The following FBLN2 variants were observed in gnomAD, a reference collection of about 807,000 sequenced individuals.
FBLN2 encodes the protein fibulin 2.
Under a neutral mutation model 123.7 loss-of-function variants are expected in FBLN2, and 81 were observed. The ratio of observed to expected loss-of-function variants is 0.65; its 90% CI spans 0.55 to 0.79. The LOEUF is 0.79. Ranked by LOEUF, FBLN2 falls within the 30% of genes least tolerant of loss-of-function variation. The pLI, the probability that FBLN2 is intolerant of heterozygous loss-of-function variation, is 0.00. For missense variants in FBLN2, 1,603 were observed against 1,681.3 expected, an observed-to-expected ratio of 0.95 and a Z score of 0.81; for synonymous variants, 699 against 701.4, an observed-to-expected ratio of 1.00 and a Z score of 0.05.
rs1344852725 is a variant in FBLN2, at chr3:13,626,589, G to T, written c.2431+10G>T. 2.6e-6 allele frequency: 4 copies of T among 1,533,260 alleles called. No homozygotes were observed. The Admixed American group carries it at 5.9e-5, about 23-fold the overall frequency. The allele number at this position is 1,533,260 out of a possible 1,614,324, so 95.0% of individuals were successfully genotyped here. Reference sequence around the variant, plus strand: ...GATGGCGAGTGCGAAGGTGAGAAGGGCCCAGAAGGACCAACTGGAGGCCCC... The same window carrying T: ...GATGGCGAGTGCGAAGGTGAGAAGGTCCCAGAAGGACCAACTGGAGGCCCC... On this transcript the variant is annotated intron_variant, in intron 10 of 17. Coordinates refer to ENST00000404922, the MANE Select transcript of FBLN2 (RefSeq NM_001004019.2).
chr3:13,596,670 T>A (rs1250705262), intron 2 of FBLN2, among the ~76,000 whole-genome samples: 2 of 152,042 alleles, frequency 1.3e-5, no homozygotes, highest in Admixed American at 1.3e-4. Flanking sequence ...AAATTTTTCA[T>A]CTTCTCAAAC....
intron 4 of FBLN2, among the ~76,000 whole-genome samples, chr3:13,610,083 C>T (rs1400140352): frequency 2.0e-5 from 3 of 152,224 alleles, no homozygotes; most frequent in African/African-American, 4.8e-5. Flanking sequence ...CTGACAGTGG[C>T]CAGGGACAGC....
intron 9 of FBLN2, among the ~76,000 whole-genome samples, chr3:13,625,915 C>T (rs1011218126): frequency 5.3e-5 from 8 of 151,892 alleles, no homozygotes; most frequent in African/African-American, 4.8e-5. Flanking sequence ...TGAACCTGCA[C>T]AGCTGGCTTC....
At chr3:13,592,996 C>G (rs374058497) in intron 2 of FBLN2, among the ~76,000 whole-genome samples, 72 of 152,164 alleles carry the variant, frequency 4.7e-4, no homozygotes, top group African/African-American at 1.7e-3. Context: ...TCAGCCCAGC[C>G]CGGACTACAG....
intron 5 of FBLN2, among the ~76,000 whole-genome samples, chr3:13,617,440 A>G (rs1167541415): frequency 1.3e-5 from 2 of 150,892 alleles, no homozygotes; most frequent in African/African-American, 4.9e-5. Flanking sequence ...CCATCCATCT[A>G]TCCATCCACC....
rs1307265590 is a variant in FBLN2 at position 13,636,538 on chromosome 3, G to T, written c.3308G>T (p.Cys1103Phe). ...QGSFRCLRFE[C>F]PPNYVQVSKT... ...AGCTTCCGCTGCCTGCGCTTCGAGT[G>T]TCCTCCCAACTATGTCCAAGTCTCC... Residue 1103 changes from cysteine to phenylalanine, a missense_variant, in exon 17 of 18, where the codon TGT (cysteine) becomes TTT (phenylalanine). Coordinates refer to ENST00000404922, the MANE Select transcript of FBLN2 (RefSeq NM_001004019.2). 6.2e-7 allele frequency: 1 copy of T among 1,613,628 alleles called. No homozygotes were observed. The highest frequency in any genetic ancestry group is 8.5e-7 in the Non-Finnish European group (1 of 1,179,764).
intron 2 of FBLN2, among the ~76,000 whole-genome samples, chr3:13,581,555 C>G (rs1250212904): frequency 1.3e-5 from 2 of 152,172 alleles, no homozygotes; most frequent in South Asian, 2.1e-4. Context: ...GGGCTCCGAA[C>G]TAGCAGGGCC....
At chr3:13,619,857 C>G in intron 8 of FBLN2, 26 bp downstream of exon 8, 1 of 1,573,538 alleles carries the variant, frequency 6.4e-7, no homozygotes, top group Non-Finnish European at 8.6e-7. Flanking sequence ...TGCCCTCCTA[C>G]CTGTGCAAAC....
chr3:13,581,578 A>C (rs1289490208), intron 2 of FBLN2, among the ~76,000 whole-genome samples: 3 of 152,136 alleles, frequency 2.0e-5, no homozygotes, highest in Non-Finnish European at 2.9e-5. Context: ...TGCTTTTGCC[A>C]CATTGTGTTG....
chr3:13,636,347 C>T (rs2290190), intron 16 of FBLN2, 98 bp from the exon 17 acceptor site: 65,105 of 1,468,230 alleles, frequency 0.044, 3,125 homozygotes, highest in East Asian at 0.19. Context: ...CTCACAGGTC[C>T]GGCTGCCGTG....
chr3:13,622,219 G>A (rs1376313057), intron 9 of FBLN2, among the ~76,000 whole-genome samples: 2 of 152,158 alleles, frequency 1.3e-5, no homozygotes, highest in African/African-American at 4.8e-5. Context: ...CAGACATGCT[G>A]GGAGCAGGAT....
Position 13,609,621 on chromosome 3 carries a change from C to T in FBLN2, c.1527C>T (p.Ser509=). Residue 509 remains serine (S), a synonymous_variant, in exon 4 of 18, where the codon AGC becomes AGT. Transcript: ENST00000404922. ...GETCGAEDND[S]CGISLYKQCC... ...CCTGTGGGGCTGAGGACAACGACAG[C>T]TGCGGCATCTCCCTGTACAAGGCAA... The T allele has an allele frequency of 1.5e-6, 2 of 1,349,992 alleles. No individual in the cohort carries two copies. The highest frequency in any genetic ancestry group is 2.0e-6 in the Non-Finnish European group (2 of 1,021,060). 83.6% of individuals were successfully genotyped at this position (1,349,992 alleles called of 1,614,324 possible).
At chr3:13,626,328 G>T (rs1482511027) in intron 9 of FBLN2, 117 bp from the exon 10 acceptor site, 12 of 1,069,460 alleles carry the variant, frequency 1.1e-5, no homozygotes, top group Non-Finnish European at 1.4e-5. Flanking sequence ...CGAATGGTGA[G>T]CTCCCTGAGG....
Position 13,571,661 on chromosome 3 carries a change from G to A in FBLN2, c.1306G>A (p.Gly436Ser), listed in dbSNP as rs1310224703. The change falls in exon 2 of 18, where the codon GGC becomes AGC. Residue 436 changes from glycine to serine, a missense_variant and splice_region_variant. Physicochemically the swap from Gly to Ser is moderately conservative, Grantham distance 56. Transcript: ENST00000404922. ...TTCTATCCCCAGAAGTAGCCCTGAA[G>A]GTAAGACCCTGTCCTGGTTCCTTCA... ...VHSIPRSSPEGSTKDLIETCC... is the reference protein window; with the variant it reads ...VHSIPRSSPESSTKDLIETCC... The A allele has an allele frequency of 3.2e-6, 5 of 1,585,546 alleles. No homozygotes were observed. The East Asian group carries it at 6.7e-5, about 21-fold the overall frequency.
In FBLN2 at chr3:13,618,095, G is replaced by A. The variant is rs369003535; in HGVS notation, c.1749G>A (p.Ala583=). 1.5e-5 allele frequency: 24 copies of A among 1,613,230 alleles called. No homozygotes were observed. The highest frequency in any genetic ancestry group is 6.7e-5 in the East Asian group (3 of 44,864). ...TCCTAGTTTCAGAGGCAGAGATGGC[G>A]GGCCGAGAGGCCCTGTCACTGGGCA... ...APRRVSEAEM[A]GREALSLGTE... Residue 583 remains alanine, a synonymous_variant, in exon 6 of 18, where the codon GCG becomes GCA. Coordinates refer to ENST00000404922, the MANE Select transcript of FBLN2 (RefSeq NM_001004019.2).
intron 5 of FBLN2, among the ~76,000 whole-genome samples, chr3:13,615,444 G>A (rs1448759897): frequency 6.6e-6 from 1 of 152,234 alleles, no homozygotes; most frequent in East Asian, 1.9e-4. Context: ...AGCCACAGAT[G>A]AGGTCCTGGT....
In FBLN2 at chr3:13,619,755, C is replaced by G. The variant is rs1404313702; in HGVS notation, c.2079C>G (p.Cys693Trp). ...CKDNGPCKQV[C>W]STVGGSAICS... ...ACAATGGACCCTGCAAGCAGGTGTG[C>G]AGCACTGTTGGGGGCTCAGCCATAT... Residue 693 changes from cysteine to tryptophan, a missense_variant, in exon 8 of 18, where the codon TGC becomes TGG. Transcript: ENST00000404922. 1.2e-6 allele frequency: 2 copies of G among 1,613,366 alleles called. No individual in the cohort carries two copies. The highest frequency in any genetic ancestry group is 1.7e-6 in the Non-Finnish European group (2 of 1,179,558).
At chr3:13,558,576 C>T (rs1209801632) in intron 1 of FBLN2, among the ~76,000 whole-genome samples, 1 of 151,996 alleles carries the variant, frequency 6.6e-6, no homozygotes, top group African/African-American at 2.4e-5. Context: ...ATAATTCATC[C>T]CATCCTCTCT....
chr3:13,633,046 G>GGAGTTTCA (rs1706312966), intron 16 of FBLN2, among the ~76,000 whole-genome samples: 1 of 152,236 alleles, frequency 6.6e-6, no homozygotes, highest in Non-Finnish European at 1.5e-5. Flanking sequence ...TGCTCTTGGA[G>GGAGTTTCA]GAGTTTCAGG....
Sources: allele counts gnomAD v4.1 joint callset (sites outside exome capture counted in the v4.1 genomes callset), GRCh38; gene constraint gnomAD v4.1.1; transcripts MANE v1.5; gene names NCBI Gene and HGNC (gene_info 2026-07-23, HGNC 2026-07-21).